PCDH9: variants seen among roughly 807,000 people sequenced by gnomAD.
PCDH9 encodes the protein protocadherin-9.
In PCDH9, 24 loss-of-function variants were observed where a neutral mutation model predicts 70.6. The ratio of observed to expected loss-of-function variants is 0.34; its 90% CI spans 0.25 to 0.48. PCDH9 has a LOEUF of 0.48. PCDH9 is among the 20% of genes least tolerant of loss of function. PCDH9 has a pLI of 0.99. For synonymous variants in PCDH9, 562 were observed against 558.5 expected (o/e 1.01, Z -0.09); for missense variants, 1,281 against 1,503.6 (o/e 0.85, Z 2.45).
chr13:66,765,899 CAGAG>C (rs951978325), intron 3 of PCDH9, among the ~76,000 whole-genome samples: 2 of 151,890 alleles, frequency 1.3e-5, no homozygotes, highest in African/African-American at 4.8e-5. Context: ...AATATAGAAC[CAGAG>C]AAAGAACATC....
Position 66,334,026 on chromosome 13 carries a change from C to T in PCDH9, c.3341-28998G>A, listed in dbSNP as rs187121065. On this transcript the variant is annotated intron_variant, in intron 4 of 4. Transcript: ENST00000377865. Reference sequence around the variant, plus strand: ...AAGATACTCTCACTGGAACATTTATCATTTCTTTGTGTTGAGAACATTCCA... The same window carrying T: ...AAGATACTCTCACTGGAACATTTATTATTTCTTTGTGTTGAGAACATTCCA... Among the ~76,000 whole-genome samples the T allele has an allele frequency of 1.4e-3, 217 of 152,250 alleles. 2 individuals carry two copies. The highest frequency in any genetic ancestry group is 8.4e-4 in the Non-Finnish European group (57 of 68,000).
At chr13:66,349,104 T>C (rs1956256220) in intron 4 of PCDH9, among the ~76,000 whole-genome samples, 1 of 152,196 alleles carries the variant, frequency 6.6e-6, no homozygotes, top group African/African-American at 2.4e-5. Context: ...TCTGAATTAC[T>C]GAGAGTTTGA....
intron 3 of PCDH9, among the ~76,000 whole-genome samples, chr13:66,816,004 G>C (rs561873126): frequency 2.8e-4 from 43 of 152,256 alleles, no homozygotes; most frequent in African/African-American, 1.0e-3. Flanking sequence ...CATTGGGCTT[G>C]TCCTCCTAAT....
At chr13:66,683,837 A>T (rs2078362039) in intron 3 of PCDH9, among the ~76,000 whole-genome samples, 1 of 137,722 alleles carries the variant, frequency 7.3e-6, no homozygotes, top group Non-Finnish European at 1.6e-5. Flanking sequence ...CCCAAATTGT[A>T]GCCAAAGTTA....
At chr13:66,713,625 GTATATATATATATA>G (rs67681559) in intron 3 of PCDH9, among the ~76,000 whole-genome samples, 1 of 109,998 alleles carries the variant, frequency 9.1e-6, no homozygotes, top group Non-Finnish European at 1.8e-5. Context: ...GTGTGTGTGT[GTATATATATATATA>G]TATATATATA....
intron 3 of PCDH9, among the ~76,000 whole-genome samples, chr13:66,657,155 CATT>C: frequency 6.6e-6 from 1 of 152,242 alleles, no homozygotes; most frequent in East Asian, 1.9e-4. Flanking sequence ...GGATATAAAA[CATT>C]ATAACCAATT....
At chr13:66,848,906 T>G (rs569944399) in intron 3 of PCDH9, among the ~76,000 whole-genome samples, 1 of 121,672 alleles carries the variant, frequency 8.2e-6, no homozygotes, top group African/African-American at 3.3e-5. Context: ...CCAGCCTGGG[T>G]GACACAGCGA....
At chr13:67,106,013 A>G (rs1029582808) in intron 2 of PCDH9, among the ~76,000 whole-genome samples, 1 of 151,980 alleles carries the variant, frequency 6.6e-6, no homozygotes, top group South Asian at 2.1e-4. Context: ...TCTGGTCAAT[A>G]CTCACATGGC....
intron 4 of PCDH9, among the ~76,000 whole-genome samples, chr13:66,399,527 T>G (rs1593915160): frequency 6.6e-6 from 1 of 152,094 alleles, no homozygotes. Flanking sequence ...AATGAGAGAG[T>G]CAGAGTAAGT....
chr13:66,444,232 C>T (rs1031725743), intron 4 of PCDH9, among the ~76,000 whole-genome samples: 4 of 152,154 alleles, frequency 2.6e-5, no homozygotes, highest in African/African-American at 7.2e-5. Flanking sequence ...CCAACATATA[C>T]TGAGAGGATT....
intron 2 of PCDH9, chr13:67,212,686 A>G (rs1403894369): frequency 6.6e-6 from 1 of 152,162 alleles, no homozygotes; most frequent in African/African-American, 2.4e-5. Flanking sequence ...TCCATTAGGG[A>G]AAATAGAATA....
intron 2 of PCDH9, among the ~76,000 whole-genome samples, chr13:66,959,026 C>T (rs2083305003): frequency 6.6e-6 from 1 of 152,116 alleles, no homozygotes; most frequent in Non-Finnish European, 1.5e-5. Context: ...TAATCACTTA[C>T]AAATATTTCA....
chr13:67,059,404 T>C (rs982728436), intron 2 of PCDH9, among the ~76,000 whole-genome samples: 2 of 147,252 alleles, frequency 1.4e-5, no homozygotes, highest in Non-Finnish European at 3.0e-5. Context: ...ATATATAGTG[T>C]ATATATATGG....
At chr13:66,784,222 T>C (rs1177430858) in intron 3 of PCDH9, among the ~76,000 whole-genome samples, 2 of 152,130 alleles carry the variant, frequency 1.3e-5, no homozygotes, top group African/African-American at 2.4e-5. Context: ...CCAATATCCC[T>C]TATATTTAGG....
intron 4 of PCDH9, among the ~76,000 whole-genome samples, chr13:66,481,942 G>GCA (rs10611896): frequency 0.047 from 7,045 of 148,654 alleles, 217 homozygotes; most frequent in East Asian, 0.091. Context: ...ACACATGCAC[G>GCA]CACACACACA....
At chr13:66,531,310 T>C (rs111421890) in intron 4 of PCDH9, among the ~76,000 whole-genome samples, 2,300 of 152,140 alleles carry the variant, frequency 0.015, 29 homozygotes, top group Non-Finnish European at 0.021. Flanking sequence ...TTTATTCCTA[T>C]CGAGTACAAG....
At chr13:66,755,753 G>A (rs547640153) in intron 3 of PCDH9, among the ~76,000 whole-genome samples, 1 of 152,106 alleles carries the variant, frequency 6.6e-6, no homozygotes, top group African/African-American at 2.4e-5. Flanking sequence ...TATAAGCTCT[G>A]GATTTGAAAA....
At chr13:67,155,687 A>C (rs1566461092) in intron 2 of PCDH9, among the ~76,000 whole-genome samples, 1 of 152,148 alleles carries the variant, frequency 6.6e-6, no homozygotes, top group Non-Finnish European at 1.5e-5. Context: ...TAAAGGAAAT[A>C]TAGAGAACAC....
At chr13:66,496,190 A>G (rs1029921717) in intron 4 of PCDH9, among the ~76,000 whole-genome samples, 1 of 152,182 alleles carries the variant, frequency 6.6e-6, no homozygotes, top group Non-Finnish European at 1.5e-5. Context: ...TTCTTCTCCT[A>G]CTCAAACATC....
Sources: gnomAD v4.1 joint callset for allele counts (sites outside exome capture counted in the v4.1 genomes callset) on GRCh38, gnomAD v4.1.1 for gene constraint, MANE v1.5 for transcripts, NCBI Gene and HGNC (gene_info 2026-07-23, HGNC 2026-07-21) for gene names.